PTPRD: variants seen among roughly 807,000 people sequenced by gnomAD.
PTPRD encodes the protein protein tyrosine phosphatase receptor type D.
In PTPRD, 34 loss-of-function variants were observed where a neutral mutation model predicts 214.5. That is an observed-to-expected ratio of 0.16 (90% CI 0.12 to 0.21). The LOEUF (loss-of-function observed/expected upper bound fraction) is 0.21, where lower values mean the gene tolerates loss of function less well. Ranked by LOEUF, PTPRD falls within the 10% of genes least tolerant of loss-of-function variation. PTPRD has a pLI of 1.00. For missense variants in PTPRD, 2,545 were observed against 2,398.7 expected (o/e 1.06, Z -1.27); for synonymous variants, 1,128 against 845.7 (o/e 1.33, Z -5.79).
intron 3 of PTPRD, among the ~76,000 whole-genome samples, chr9:10,177,432 A>G (rs2099255506): frequency 6.9e-6 from 1 of 145,752 alleles, no homozygotes; most frequent in Non-Finnish European, 1.5e-5. Flanking sequence ...GAACAAAGGA[A>G]AGTTGTTAAA....
In PTPRD at chr9:9,535,646, C is replaced by A. The variant is rs1485243052; in HGVS notation, c.-237+39086G>T. ...GTATATAGTTTTAAACTCTATTTAC[C>A]CATATACTTATTACATCCATTAGAG... is the stretch of plus-strand genomic sequence containing the variant. On this transcript the variant is annotated intron_variant, in intron 8 of 45. Coordinates refer to ENST00000381196, the MANE Select transcript of PTPRD (RefSeq NM_002839.4). Among the ~76,000 whole-genome samples, 3 of 151,770 alleles carry A rather than the reference C, an allele frequency of 2.0e-5. 1 individual carries two copies. Among genetic ancestry groups the A allele is most frequent in the Admixed American group, 2.0e-4 (3 of 15,228 alleles).
chr9:9,261,718 A>T (rs2099980202), intron 9 of PTPRD, among the ~76,000 whole-genome samples: 1 of 151,500 alleles, frequency 6.6e-6, no homozygotes, highest in South Asian at 2.1e-4. Flanking sequence ...TGTAATGGAA[A>T]TAATAAATCA....
intron 8 of PTPRD, among the ~76,000 whole-genome samples, chr9:9,447,369 T>C (rs1326934612): frequency 6.6e-6 from 1 of 152,150 alleles, no homozygotes; most frequent in African/African-American, 2.4e-5. Context: ...TGCAGGCTCA[T>C]GGATGGAGCT....
At chr9:9,575,769 GAAAAAGAAAGAAAA>G (rs2088450368) in intron 7 of PTPRD, among the ~76,000 whole-genome samples, 3 of 63,258 alleles carry the variant, frequency 4.7e-5, no homozygotes, top group African/African-American at 1.9e-4. Flanking sequence ...AAGAAAAAAA[GAAAAAGAAAGAAAA>G]AGAAAAAAAA....
intron 10 of PTPRD, among the ~76,000 whole-genome samples, chr9:9,176,673 A>C (rs1483250312): frequency 1.3e-5 from 2 of 152,104 alleles, no homozygotes; most frequent in Non-Finnish European, 2.9e-5. Flanking sequence ...TTTAATTATC[A>C]TGGGCATGGG....
intron 3 of PTPRD, among the ~76,000 whole-genome samples, chr9:10,145,827 G>C (rs943029216): frequency 2.6e-5 from 4 of 151,932 alleles, no homozygotes; most frequent in African/African-American, 9.7e-5. Flanking sequence ...TATGATGGTA[G>C]AAAATCTGGA....
At chr9:8,339,268 G>A (rs537115543) in intron 42 of PTPRD, among the ~76,000 whole-genome samples, 49 of 152,100 alleles carry the variant, frequency 3.2e-4, no homozygotes, top group Non-Finnish European at 6.8e-4. Flanking sequence ...CATCCAGCAC[G>A]GTCTCTGGCA....
Position 9,579,041 on chromosome 9 carries a change from T to A in PTPRD, c.-286-4260A>T, listed in dbSNP as rs865977424. ...TCATACACATTTTTAATCCAAGGAGTCTTGCTTCAGAGCCTATGCTCTTAG... is the reference window on the plus strand; with the variant it reads ...TCATACACATTTTTAATCCAAGGAGACTTGCTTCAGAGCCTATGCTCTTAG... On this transcript the variant is annotated intron_variant, in intron 7 of 45. Coordinates refer to ENST00000381196, the MANE Select transcript of PTPRD (RefSeq NM_002839.4). 2.6e-5 allele frequency among the ~76,000 whole-genome samples: 4 copies of A among 152,200 alleles called. No homozygotes were observed. In the East Asian group the frequency reaches 5.8e-4, roughly 22 times the overall value.
At chr9:10,267,210 A>G (rs1236467880) in intron 3 of PTPRD, among the ~76,000 whole-genome samples, 1 of 146,046 alleles carries the variant, frequency 6.8e-6, no homozygotes, top group South Asian at 2.1e-4. Flanking sequence ...AAAAAAAAGG[A>G]AAAAACAAAA....
chr9:10,466,936 C>T (rs957609517), intron 2 of PTPRD, among the ~76,000 whole-genome samples: 1 of 152,086 alleles, frequency 6.6e-6, no homozygotes, highest in Non-Finnish European at 1.5e-5. Flanking sequence ...GATGTAGATG[C>T]TGAATGTCCA....
At chr9:8,774,829 C>T (rs2095405811) in intron 11 of PTPRD, among the ~76,000 whole-genome samples, 2 of 152,070 alleles carry the variant, frequency 1.3e-5, no homozygotes, top group African/African-American at 4.8e-5. Context: ...CCACTGCGCC[C>T]AGCCATGAAA....
intron 8 of PTPRD, among the ~76,000 whole-genome samples, chr9:9,413,526 A>T (rs1306288615): frequency 6.6e-6 from 1 of 152,212 alleles, no homozygotes; most frequent in East Asian, 1.9e-4. Flanking sequence ...TGCTGTCAGA[A>T]TTTTATTATT....
chr9:10,211,655 G>A (rs1386758878), intron 3 of PTPRD, among the ~76,000 whole-genome samples: 7 of 152,128 alleles, frequency 4.6e-5, no homozygotes, highest in African/African-American at 1.7e-4. Flanking sequence ...GCCCCAACAT[G>A]GATGGAATTG....
At chr9:9,788,857 T>A (rs138544710) in intron 5 of PTPRD, among the ~76,000 whole-genome samples, 1 of 152,248 alleles carries the variant, frequency 6.6e-6, no homozygotes, top group East Asian at 1.9e-4. Context: ...CTAACTCTTC[T>A]TTCATGGTCT....
At chr9:8,349,496 T>C (rs2074828340) in intron 39 of PTPRD, among the ~76,000 whole-genome samples, 3 of 152,176 alleles carry the variant, frequency 2.0e-5, no homozygotes, top group Admixed American at 2.0e-4. Flanking sequence ...CAGCTCTCCA[T>C]TGCAGTGATA....
chr9:8,925,635 G>C (rs75062676), intron 11 of PTPRD, among the ~76,000 whole-genome samples: 2 of 111,364 alleles, frequency 1.8e-5, no homozygotes, highest in Admixed American at 1.5e-4. Context: ...ATCCTCAAAA[G>C]ACTACATCAA....
In PTPRD at chr9:8,693,353, C is replaced by A. The variant is rs369032305; in HGVS notation, c.64+40427G>T. Among the ~76,000 whole-genome samples, 93 of 152,284 alleles carry A rather than the reference C, an allele frequency of 6.1e-4. 1 individual carries two copies. Among genetic ancestry groups the A allele is most frequent in the African/African-American group, 2.2e-3 (90 of 41,556 alleles). On this transcript the variant is annotated intron_variant, in intron 12 of 45. Coordinates refer to ENST00000381196, the MANE Select transcript of PTPRD (RefSeq NM_002839.4). ...CACTTTCCTCTCATGACAAACATATCCTTCTTCTCCATGTTGACGTACGCC... is the reference window on the plus strand; with the variant it reads ...CACTTTCCTCTCATGACAAACATATACTTCTTCTCCATGTTGACGTACGCC...
rs112865198 is a variant in PTPRD, at chr9:9,987,542, C to T, written c.-472+46176G>A. ...CCAATTCACTATCACGAGAACAGCA[C>T]GGGAAAGACCTGCCCCGACAACATG... On this transcript the variant is annotated intron_variant, in intron 4 of 45. Transcript: ENST00000381196. Among the ~76,000 whole-genome samples the T allele has an allele frequency of 7.3e-3, 1,110 of 152,116 alleles. 7 individuals are homozygous for T. The highest frequency in any genetic ancestry group is 0.014 in the Middle Eastern group (4 of 294).
Position 8,805,381 on chromosome 9 carries a change from T to G in PTPRD, c.-103-71435A>C, listed in dbSNP as rs563537437. Among the ~76,000 whole-genome samples, 11 of 152,214 alleles carry G rather than the reference T, an allele frequency of 7.2e-5. No homozygotes were observed. In the South Asian group the frequency reaches 2.3e-3, roughly 32 times the overall value. On this transcript the variant is annotated intron_variant, in intron 11 of 45. Transcript: ENST00000381196. ...CATATCCTTGAAGGCAACATGAACA[T>G]CAGAGTAATCCAATCCCATTATCAG...
Sources: allele counts gnomAD v4.1 joint callset (sites outside exome capture counted in the v4.1 genomes callset), GRCh38; gene constraint gnomAD v4.1.1; transcripts MANE v1.5; gene names NCBI Gene and HGNC (gene_info 2026-07-23, HGNC 2026-07-21).